The following RNF216 variants were observed in gnomAD, a reference collection of about 807,000 sequenced individuals.
RNF216 encodes the protein E3 ubiquitin-protein ligase RNF216.
A neutral mutation model predicts 110.8 loss-of-function variants in RNF216; 72 were observed. That is an observed-to-expected ratio of 0.65 (90% CI 0.54 to 0.79). RNF216 has a LOEUF of 0.79. Ranked by LOEUF, RNF216 falls within the 30% of genes least tolerant of loss-of-function variation. The probability of loss-of-function intolerance (pLI) is 0.00; values close to 1 mark genes in which losing one functional copy is unlikely to be tolerated. For synonymous variants in RNF216, 495 were observed against 407.5 expected, an observed-to-expected ratio of 1.21 and a Z score of -2.59; for missense variants, 1,342 against 1,141.2, an observed-to-expected ratio of 1.18 and a Z score of -2.54.
chr7:5,658,311 T>C (rs550914712), intron 13 of RNF216, among the ~76,000 whole-genome samples: 31 of 152,238 alleles, frequency 2.0e-4, no homozygotes, highest in Admixed American at 2.0e-4. Flanking sequence ...CAATGAAACA[T>C]AGTTCAAAAG....
intron 14 of RNF216, among the ~76,000 whole-genome samples, chr7:5,641,591 G>GT (rs1172498951): frequency 1.3e-5 from 2 of 152,126 alleles, no homozygotes; most frequent in African/African-American, 4.8e-5. Context: ...TGGAGACTCA[G>GT]TTTCCTCATT....
chr7:5,645,519 T>C (rs998737095), intron 14 of RNF216, among the ~76,000 whole-genome samples: 8 of 152,342 alleles, frequency 5.3e-5, no homozygotes, highest in Middle Eastern at 3.4e-3. Context: ...AAATCTGCTA[T>C]TGAATTCTTC....
chr7:5,732,094 G>A (rs951953127), intron 5 of RNF216, among the ~76,000 whole-genome samples: 2 of 152,094 alleles, frequency 1.3e-5, no homozygotes, highest in Non-Finnish European at 1.5e-5. Flanking sequence ...GAGGCCCAAA[G>A]AGAGGAAAAA....
In RNF216 at chr7:5,680,133, C is replaced by T. The variant is rs1192007621; in HGVS notation, c.2062-27623G>A. ...GTTCTTCACACAAGGGACATCTCCC[C>T]CACGAGCTGGCCCTGAAGCTTCCAG... On this transcript the variant is annotated intron_variant, in intron 13 of 16. Coordinates refer to ENST00000389902, the MANE Select transcript of RNF216 (RefSeq NM_207111.4). This position sits in a 1 kb window ranked among gnomAD's most constrained non-coding sequence, Gnocchi z 4.3. Among the ~76,000 whole-genome samples the T allele has an allele frequency of 6.6e-6, 1 of 152,206 alleles. No homozygotes were observed. The highest frequency in any genetic ancestry group is 1.5e-5 in the Non-Finnish European group (1 of 68,036).
chr7:5,673,631 G>C (rs533570368), intron 13 of RNF216, among the ~76,000 whole-genome samples: 2 of 152,308 alleles, frequency 1.3e-5, no homozygotes, highest in African/African-American at 2.4e-5. Context: ...CATTTGGCTA[G>C]ATCTGGAGAA....
At position 5,685,930 on chromosome 7, in the gene RNF216, T is replaced by C. The variant is rs533511907; in HGVS notation, c.2061+25831A>G. Among the ~76,000 whole-genome samples, 5 of 152,208 alleles carry C rather than the reference T, an allele frequency of 3.3e-5. No individual in the cohort carries two copies. The South Asian group carries it at 1.0e-3, about 32-fold the overall frequency. On this transcript the variant is annotated intron_variant, in intron 13 of 16. Coordinates refer to ENST00000389902, the MANE Select transcript of RNF216 (RefSeq NM_207111.4). ...TGTACTGACCTTGTAGAAAACGATG[T>C]AAAAAATTCCGGCCGGGCGCGGTGG...
chr7:5,711,565 G>A (rs937950987), intron 13 of RNF216, among the ~76,000 whole-genome samples, 196 bp downstream of exon 13: 1 of 152,140 alleles, frequency 6.6e-6, no homozygotes, highest in Admixed American at 6.5e-5. Context: ...AACTGGAGTG[G>A]CAAGAGTGGC....
At chr7:5,778,496 G>A (rs757745366) in intron 1 of RNF216, among the ~76,000 whole-genome samples, 16 of 152,108 alleles carry the variant, frequency 1.1e-4, no homozygotes, top group Non-Finnish European at 1.9e-4. Context: ...GGTCTCCTCT[G>A]CTAAAACTTA....
chr7:5,718,827 G>A (rs1282789342), intron 9 of RNF216, among the ~76,000 whole-genome samples: 2 of 152,040 alleles, frequency 1.3e-5, no homozygotes, highest in Admixed American at 1.3e-4. Context: ...ATCATGCTGG[G>A]ATTACAGGCA....
intron 13 of RNF216, among the ~76,000 whole-genome samples, chr7:5,690,047 A>C (rs2128612453): frequency 6.6e-6 from 1 of 152,094 alleles, no homozygotes; most frequent in East Asian, 1.9e-4. Context: ...TTTTATGGCC[A>C]GGCGCGGTGG....
intron 5 of RNF216, among the ~76,000 whole-genome samples, chr7:5,731,390 G>C: frequency 6.6e-6 from 1 of 151,862 alleles, no homozygotes; most frequent in Non-Finnish European, 1.5e-5. Flanking sequence ...CTAGACTGAT[G>C]AACAGATCAT....
At chr7:5,717,155 A>AC (rs1273153352) in intron 9 of RNF216, among the ~76,000 whole-genome samples, 2 of 152,212 alleles carry the variant, frequency 1.3e-5, no homozygotes, top group African/African-American at 4.8e-5. Context: ...GGAGTTCGAG[A>AC]CCAGCCTGAC....
intron 13 of RNF216, among the ~76,000 whole-genome samples, chr7:5,686,517 C>T (rs893405959): frequency 6.6e-6 from 1 of 152,180 alleles, no homozygotes; most frequent in African/African-American, 2.4e-5. Flanking sequence ...ACCATCAGTG[C>T]CTTTAGGAAA....
chr7:5,720,948 T>A, intron 9 of RNF216, 85 bp downstream of exon 9: 1 of 1,336,018 alleles, frequency 7.5e-7, no homozygotes, highest in Non-Finnish European at 1.0e-6. Flanking sequence ...AGGGAAATCT[T>A]AAAAGACAGT....
intron 13 of RNF216, among the ~76,000 whole-genome samples, chr7:5,697,238 G>A (rs1010350788): frequency 2.6e-5 from 4 of 152,176 alleles, no homozygotes; most frequent in African/African-American, 9.7e-5. Context: ...GACCCATGTC[G>A]CTCATGCAGA....
chr7:5,672,845 C>T (rs1790008419), intron 13 of RNF216, among the ~76,000 whole-genome samples: 2 of 152,082 alleles, frequency 1.3e-5, no homozygotes, highest in African/African-American at 4.8e-5. Flanking sequence ...CTTTCTAGGA[C>T]ACAGGGACAC....
At chr7:5,757,140 C>T (rs1006314489) in intron 2 of RNF216, among the ~76,000 whole-genome samples, 1 of 152,196 alleles carries the variant, frequency 6.6e-6, no homozygotes, top group African/African-American at 2.4e-5. Context: ...TTCTTCCAAT[C>T]TTCTATATTC....
At chr7:5,776,944 GAA>G (rs1296792985) in intron 1 of RNF216, among the ~76,000 whole-genome samples, 1 of 119,030 alleles carries the variant, frequency 8.4e-6, no homozygotes, top group East Asian at 4.5e-4. Flanking sequence ...GAGAGAGAGA[GAA>G]AAAAAGAAAG....
Position 5,622,567 on chromosome 7 carries a change from C to A in RNF216, c.*293G>T. 1 of 405,194 alleles carries A rather than the reference C, an allele frequency of 2.5e-6. No homozygotes were observed. The highest frequency in any genetic ancestry group is 4.5e-6 in the Non-Finnish European group (1 of 224,362). 25.1% of individuals were successfully genotyped at this position (405,194 alleles called of 1,614,324 possible). On this transcript the variant is annotated 3_prime_UTR_variant, in exon 17 of 17. Transcript: ENST00000389902. ...GAGCAGCAGGGACCTGGTCTATGGC[C>A]TATGCCATGGACAAGGCAGAAGGAC...
Sources: gnomAD v4.1 joint callset for allele counts (sites outside exome capture counted in the v4.1 genomes callset) on GRCh38, gnomAD v4.1.1 for gene constraint, Gnocchi (gnomAD v3.1) non-coding constraint, MANE v1.5 for transcripts, NCBI Gene and HGNC (gene_info 2026-07-23, HGNC 2026-07-21) for gene names.